The following OR2L13 variants were observed in gnomAD, a reference collection of about 807,000 sequenced individuals.
The protein encoded by OR2L13 is olfactory receptor family 2 subfamily L member 13.
OR2L13 carries 14 observed loss-of-function variants against 15.3 expected under a neutral mutation model. That is an observed-to-expected ratio of 0.91 (90% CI 0.60 to 1.43). The LOEUF (loss-of-function observed/expected upper bound fraction) is 1.43. Ranked by LOEUF, OR2L13 falls within the 40% of genes most tolerant of loss-of-function variation. The probability of loss-of-function intolerance (pLI) is 0.00; values close to 1 mark genes in which losing one functional copy is unlikely to be tolerated. For synonymous variants in OR2L13, 152 were observed against 142.9 expected, an observed-to-expected ratio of 1.06 and a Z score of -0.45; for missense variants, 367 against 387.9, an observed-to-expected ratio of 0.95 and a Z score of 0.45.
the OR2L13 span, among the ~76,000 whole-genome samples, chr1:248,032,721 G>A: frequency 2.0e-5 from 3 of 151,988 alleles, no homozygotes; most frequent in Non-Finnish European, 4.4e-5. Context: ...TCCATTGTAT[G>A]TACTCATTAC....
At chr1:248,016,236 C>A in the OR2L13 span, among the ~76,000 whole-genome samples, 1 of 152,122 alleles carries the variant, frequency 6.6e-6, no homozygotes, top group Non-Finnish European at 1.5e-5. Context: ...AACTTGGGCA[C>A]CATTTGTAGA....
chr1:247,952,070 C>T, the OR2L13 span, among the ~76,000 whole-genome samples: 2 of 152,278 alleles, frequency 1.3e-5, no homozygotes, highest in East Asian at 1.9e-4. Flanking sequence ...TAGTCACTAC[C>T]AGTGGACCCA....
At chr1:248,071,885 A>C in the OR2L13 span, among the ~76,000 whole-genome samples, 1 of 151,512 alleles carries the variant, frequency 6.6e-6, no homozygotes, top group Non-Finnish European at 1.5e-5. Flanking sequence ...CAATTGCTTC[A>C]AAGAGAATAA....
the OR2L13 span, chr1:247,991,194 A>G: frequency 7.4e-3 from 11,786 of 1,585,500 alleles, 757 homozygotes; most frequent in African/African-American, 0.14. Context: ...AAATCTTTTC[A>G]GTGAAAATAT....
chr1:248,080,847 C>G, the OR2L13 span, among the ~76,000 whole-genome samples: 1 of 152,160 alleles, frequency 6.6e-6, no homozygotes, highest in Non-Finnish European at 1.5e-5. Flanking sequence ...GAGGAATCAC[C>G]ACACTGTCTT....
the OR2L13 span, chr1:247,990,743 C>G: frequency 2.5e-6 from 4 of 1,586,380 alleles, no homozygotes; most frequent in Admixed American, 6.7e-5. Flanking sequence ...TGTGCTCACA[C>G]GGTATATGCA....
At chr1:248,050,488 A>G in the OR2L13 span, among the ~76,000 whole-genome samples, 1 of 152,094 alleles carries the variant, frequency 6.6e-6, no homozygotes, top group Non-Finnish European at 1.5e-5. Flanking sequence ...ATAATATTAT[A>G]TAATAGGACA....
At chr1:248,029,797 G>C in the OR2L13 span, among the ~76,000 whole-genome samples, 5 of 152,262 alleles carry the variant, frequency 3.3e-5, no homozygotes, top group East Asian at 9.6e-4. Flanking sequence ...GTTTCATAAA[G>C]TTTAGAAACA....
the OR2L13 span, chr1:247,965,515 CACCTCATTCGACT>C: frequency 6.2e-7 from 1 of 1,613,264 alleles, no homozygotes; most frequent in Non-Finnish European, 8.5e-7. Context: ...CATGCTGATC[CACCTCATTCGACT>C]GAACACCAGA....
the OR2L13 span, among the ~76,000 whole-genome samples, chr1:248,050,457 C>G: frequency 6.6e-6 from 1 of 151,974 alleles, no homozygotes; most frequent in African/African-American, 2.4e-5. Flanking sequence ...CTGTCAGGAA[C>G]CAGCCTTTAA....
chr1:248,079,209 TATATAAC>T, the OR2L13 span, among the ~76,000 whole-genome samples: 3 of 152,176 alleles, frequency 2.0e-5, no homozygotes, highest in Non-Finnish European at 4.4e-5. Flanking sequence ...GTACTATGGT[TATATAAC>T]ATAGTAACAC....
chr1:247,949,459 G>C, the OR2L13 span: 2 of 1,597,092 alleles, frequency 1.3e-6, no homozygotes, highest in Non-Finnish European at 1.7e-6. Context: ...GTGTTTTTGA[G>C]TGCCACCATC....
the OR2L13 span, among the ~76,000 whole-genome samples, chr1:247,988,867 C>CTAATG: frequency 6.6e-6 from 1 of 152,040 alleles, no homozygotes; most frequent in Non-Finnish European, 1.5e-5. Context: ...TTTTGCTTCC[C>CTAATG]TAATGCTTAG....
chr1:248,038,774 G>C, the OR2L13 span: 4 of 1,614,148 alleles, frequency 2.5e-6, no homozygotes, highest in South Asian at 3.3e-5. Context: ...CATATTGCAA[G>C]TCCAGAGCCA....
chr1:248,092,533 A>G (rs150477547), upstream of OR2L13, among the ~76,000 whole-genome samples: 1,059 of 152,240 alleles, frequency 7.0e-3, 14 homozygotes, highest in African/African-American at 0.024. Flanking sequence ...TCTGTGGACT[A>G]CTCCATTCAA....
the OR2L13 span, chr1:247,990,822 C>G: frequency 1.3e-6 from 2 of 1,598,692 alleles, no homozygotes. Context: ...CTATGTTGAC[C>G]CTAGCCTGCA....
the OR2L13 span, among the ~76,000 whole-genome samples, chr1:248,056,453 G>A: frequency 6.6e-6 from 1 of 151,866 alleles, no homozygotes; most frequent in Non-Finnish European, 1.5e-5. Flanking sequence ...TTAGGGTGTC[G>A]ATGTGAGATC....
At chr1:248,007,695 G>A in the OR2L13 span, among the ~76,000 whole-genome samples, 11,481 of 152,028 alleles carry the variant, frequency 0.076, 515 homozygotes, top group East Asian at 0.16. Context: ...TTATTATTTT[G>A]CACTTCACAG....
At chr1:248,022,520 C>T in the OR2L13 span, 1 of 1,614,016 alleles carries the variant, frequency 6.2e-7, no homozygotes, top group African/African-American at 1.3e-5. Context: ...GTACAGACAC[C>T]TGGGTCTATG....
Sources: gnomAD v4.1 joint callset for allele counts (sites outside exome capture counted in the v4.1 genomes callset) on GRCh38, gnomAD v4.1.1 for gene constraint, MANE v1.5 for transcripts, NCBI Gene and HGNC (gene_info 2026-07-23, HGNC 2026-07-21) for gene names.